Variants in SGIP1 observed in about 807,000 individuals in gnomAD.
SGIP1 encodes the protein SH3GL interacting endocytic adaptor 1.
A neutral mutation model predicts 107.5 loss-of-function variants in SGIP1; 38 were observed. That is an observed-to-expected ratio of 0.35 (90% CI 0.27 to 0.46). The LOEUF is 0.46. SGIP1 is among the 20% of genes least tolerant of loss of function. SGIP1 has a pLI of 1.00. For synonymous variants in SGIP1, 365 were observed against 366.1 expected, an observed-to-expected ratio of 1.00 and a Z score of 0.03; for missense variants, 929 against 1,019.5, an observed-to-expected ratio of 0.91 and a Z score of 1.21.
At chr1:66,692,160 CAAA>C (rs10677616) in intron 17 of SGIP1, among the ~76,000 whole-genome samples, 1 of 136,356 alleles carries the variant, frequency 7.3e-6, no homozygotes. Flanking sequence ...GACTCCATCT[CAAA>C]AAAAAAAAAA....
intron 14 of SGIP1, among the ~76,000 whole-genome samples, chr1:66,680,576 T>C (rs1218360476): frequency 6.6e-6 from 1 of 152,248 alleles, no homozygotes; most frequent in Non-Finnish European, 1.5e-5. Context: ...TTATGAAATT[T>C]ATATTGACTC....
chr1:66,637,034 A>C (rs1177355229), intron 4 of SGIP1, among the ~76,000 whole-genome samples: 6 of 127,240 alleles, frequency 4.7e-5, no homozygotes, highest in African/African-American at 2.1e-4. Context: ...GGATTTTTGA[A>C]TTTTAAGAAA....
At chr1:66,635,882 T>A in intron 3 of SGIP1, 62 bp from the exon 4 acceptor site, 1 of 1,518,628 alleles carries the variant, frequency 6.6e-7, no homozygotes, top group Non-Finnish European at 9.1e-7. Flanking sequence ...TCTTTATATG[T>A]GTCTTGAAGA....
intron 13 of SGIP1, among the ~76,000 whole-genome samples, chr1:66,679,114 A>G (rs571602884): frequency 2.3e-3 from 349 of 152,356 alleles, no homozygotes; most frequent in African/African-American, 8.1e-3. Context: ...TGACCCAAGC[A>G]GTTAGTTTGC....
chr1:66,678,414 C>T (rs151331125), intron 13 of SGIP1, among the ~76,000 whole-genome samples: 127 of 152,326 alleles, frequency 8.3e-4, no homozygotes, highest in African/African-American at 2.9e-3. Flanking sequence ...TCATTCTGCT[C>T]ATGTTGTAGT....
rs148398877 is a variant in SGIP1, at chr1:66,580,048, A to G, written c.10+45680A>G. Among the ~76,000 whole-genome samples, 476 of 152,236 alleles carry G rather than the reference A, an allele frequency of 3.1e-3. 2 individuals are homozygous for G. The highest frequency in any genetic ancestry group is 0.011 in the African/African-American group (451 of 41,542). On this transcript the variant is annotated intron_variant, in intron 1 of 24. Transcript: ENST00000371037. ...AATATACACACATATGTTTATTTTAATAGCCTCCTAATTATCTTCTCTGTT... is the reference window on the plus strand; with the variant it reads ...AATATACACACATATGTTTATTTTAGTAGCCTCCTAATTATCTTCTCTGTT...
intron 18 of SGIP1, among the ~76,000 whole-genome samples, chr1:66,701,203 G>A (rs906949436): frequency 2.6e-5 from 4 of 152,142 alleles, no homozygotes; most frequent in African/African-American, 9.7e-5. Flanking sequence ...TCATTCATTT[G>A]AGAGACACTA....
At chr1:66,584,465 A>C (rs979163769) in intron 1 of SGIP1, among the ~76,000 whole-genome samples, 1 of 152,138 alleles carries the variant, frequency 6.6e-6, no homozygotes, top group East Asian at 1.9e-4. Context: ...CCTCTAACCC[A>C]TGTTAAAATT....
At chr1:66,616,444 G>A (rs1031978265) in intron 1 of SGIP1, among the ~76,000 whole-genome samples, 4 of 152,082 alleles carry the variant, frequency 2.6e-5, no homozygotes, top group Non-Finnish European at 5.9e-5. Flanking sequence ...TATATTTTAG[G>A]TGTCGTACTG....
intron 7 of SGIP1, among the ~76,000 whole-genome samples, chr1:66,659,686 G>C (rs2080499157): frequency 6.6e-6 from 1 of 151,980 alleles, no homozygotes; most frequent in Non-Finnish European, 1.5e-5. Context: ...GAGGTGGGAG[G>C]ATCACTTGAG....
intron 1 of SGIP1, among the ~76,000 whole-genome samples, chr1:66,576,005 G>T (rs2061010081): frequency 2.6e-5 from 4 of 152,190 alleles, no homozygotes; most frequent in Non-Finnish European, 5.9e-5. Context: ...CGTGTGCACT[G>T]CACTGAGAGT....
At chr1:66,646,371 G>A (rs2077666981) in intron 7 of SGIP1, among the ~76,000 whole-genome samples, 1 of 152,036 alleles carries the variant, frequency 6.6e-6, no homozygotes, top group African/African-American at 2.4e-5. Context: ...TTTAAACTAT[G>A]GTTTTTATAC....
At chr1:66,683,972 C>T in intron 15 of SGIP1, 1 of 1,341,438 alleles carries the variant, frequency 7.5e-7, no homozygotes, top group Non-Finnish European at 1.0e-6. Flanking sequence ...CTGCCTCAGC[C>T]TCCCAAAGTG....
chr1:66,692,858 T>C (rs969684751), intron 17 of SGIP1, among the ~76,000 whole-genome samples: 10 of 152,210 alleles, frequency 6.6e-5, no homozygotes, highest in African/African-American at 2.4e-4. Context: ...AAATCTCTCA[T>C]GACAGCTGTG....
intron 1 of SGIP1, among the ~76,000 whole-genome samples, chr1:66,583,935 G>T (rs1337278491): frequency 1.3e-5 from 2 of 152,124 alleles, no homozygotes; most frequent in Non-Finnish European, 2.9e-5. Flanking sequence ...ACTAAAAGTT[G>T]TACTTGGCTA....
At chr1:66,599,429 A>G (rs2148994207) in intron 1 of SGIP1, among the ~76,000 whole-genome samples, 1 of 152,292 alleles carries the variant, frequency 6.6e-6, no homozygotes, top group East Asian at 1.9e-4. Context: ...TACAGGGGCT[A>G]AGTGACATGC....
intron 1 of SGIP1, among the ~76,000 whole-genome samples, chr1:66,607,565 A>G (rs998081726): frequency 3.3e-5 from 5 of 152,250 alleles, no homozygotes; most frequent in African/African-American, 4.8e-5. Flanking sequence ...CTGACAATTC[A>G]GAGATAGAAA....
At chr1:66,537,668 C>A (rs944528117) in intron 1 of SGIP1, among the ~76,000 whole-genome samples, 75 of 152,084 alleles carry the variant, frequency 4.9e-4, no homozygotes, top group African/African-American at 1.8e-3. Context: ...AAAAAATTAA[C>A]AAGCAAATAT....
chr1:66,556,323 A>G (rs1207770172), intron 1 of SGIP1, among the ~76,000 whole-genome samples: 2 of 152,090 alleles, frequency 1.3e-5, no homozygotes, highest in Non-Finnish European at 2.9e-5. Flanking sequence ...GCCCTCTGAA[A>G]TGCCACAAGG....
Sources: allele counts gnomAD v4.1 joint callset (sites outside exome capture counted in the v4.1 genomes callset), GRCh38; gene constraint gnomAD v4.1.1; transcripts MANE v1.5; gene names NCBI Gene and HGNC (gene_info 2026-07-23, HGNC 2026-07-21).